The following BRINP1 variants were observed in gnomAD, a reference collection of about 807,000 sequenced individuals.
BRINP1 encodes BMP/retinoic acid inducible neural specific 1, also known as BMP/retinoic acid-inducible neural-specific protein 1.
Under a neutral mutation model 72.9 loss-of-function variants are expected in BRINP1, and 17 were observed. The ratio of observed to expected loss-of-function variants is 0.23; its 90% CI spans 0.16 to 0.35. BRINP1 has a LOEUF of 0.35. Among genes scored for constraint, BRINP1 ranks in the 10% least tolerant of loss-of-function variants. BRINP1 has a pLI of 1.00. For missense variants in BRINP1, 850 were observed against 1,001.6 expected (o/e 0.85, Z 2.04); for synonymous variants, 418 against 378.5 (o/e 1.10, Z -1.21).
chr9:119,261,274 A>C (rs1184812746), intron 2 of BRINP1, among the ~76,000 whole-genome samples: 1 of 152,168 alleles, frequency 6.6e-6, no homozygotes, highest in Non-Finnish European at 1.5e-5. Context: ...GAAAAGTAAA[A>C]ATGTTTATGG....
At chr9:119,175,702 TAAG>T (rs1403404097) in intron 7 of BRINP1, among the ~76,000 whole-genome samples, 2 of 152,148 alleles carry the variant, frequency 1.3e-5, no homozygotes, top group African/African-American at 4.8e-5. Context: ...TTCCATCAGA[TAAG>T]AAGCAGCATC....
chr9:119,218,896 C>A (rs1564220323), intron 5 of BRINP1, among the ~76,000 whole-genome samples: 1 of 152,004 alleles, frequency 6.6e-6, no homozygotes, highest in East Asian at 1.9e-4. Context: ...CATTCATATG[C>A]CAAAACCCTC....
At chr9:119,177,700 G>C (rs192158608) in intron 7 of BRINP1, among the ~76,000 whole-genome samples, 3 of 152,102 alleles carry the variant, frequency 2.0e-5, no homozygotes, top group African/African-American at 7.2e-5. Flanking sequence ...CAGAATCCTC[G>C]GTGAGGGAAA....
intron 2 of BRINP1, among the ~76,000 whole-genome samples, chr9:119,274,858 AGATATATGTGTATATACACATATAT>A (rs1427730332): frequency 6.6e-6 from 1 of 152,176 alleles, no homozygotes; most frequent in Non-Finnish European, 1.5e-5. Flanking sequence ...GTATAGATAT[AGATATATGTGTATATACACATATAT>A]GATATATACA....
intron 1 of BRINP1, among the ~76,000 whole-genome samples, chr9:119,354,116 A>T (rs1831534551): frequency 6.6e-6 from 1 of 152,062 alleles, no homozygotes; most frequent in Admixed American, 6.6e-5. Flanking sequence ...TCATATCTGA[A>T]ATAATATGGA....
intron 2 of BRINP1, among the ~76,000 whole-genome samples, chr9:119,304,126 C>T (rs1830969867): frequency 6.6e-6 from 1 of 152,060 alleles, no homozygotes; most frequent in Non-Finnish European, 1.5e-5. Context: ...GTGATCTGCC[C>T]ACCTTGGCCT....
intron 7 of BRINP1, among the ~76,000 whole-genome samples, chr9:119,195,255 C>T (rs1829724901): frequency 6.6e-6 from 1 of 152,018 alleles, no homozygotes; most frequent in African/African-American, 2.4e-5. Context: ...AGTGAGTATT[C>T]ACTAAATATT....
chr9:119,195,299 A>C (rs1829725599), intron 7 of BRINP1, among the ~76,000 whole-genome samples: 1 of 152,250 alleles, frequency 6.6e-6, no homozygotes, highest in South Asian at 2.1e-4. Flanking sequence ...TGAATAAATG[A>C]AGATTCAGTA....
chr9:119,263,104 C>T (rs1830513510), intron 2 of BRINP1, among the ~76,000 whole-genome samples: 1 of 152,140 alleles, frequency 6.6e-6, no homozygotes, highest in African/African-American at 2.4e-5. Context: ...CCCTTCAGGC[C>T]AGGGGCACAA....
intron 1 of BRINP1, among the ~76,000 whole-genome samples, chr9:119,357,727 T>C (rs1008155072): frequency 5.3e-5 from 8 of 152,144 alleles, no homozygotes; most frequent in African/African-American, 1.7e-4. Context: ...TCCTGGAATA[T>C]GAAAGATGGA....
chr9:119,286,591 C>A (rs578026593), intron 2 of BRINP1, among the ~76,000 whole-genome samples: 2 of 152,180 alleles, frequency 1.3e-5, no homozygotes, highest in African/African-American at 4.8e-5. Context: ...CTGGGTAGTG[C>A]AAAAATGTAG....
chr9:119,367,561 A>T (rs1831708640), intron 1 of BRINP1, among the ~76,000 whole-genome samples: 1 of 152,084 alleles, frequency 6.6e-6, no homozygotes. Flanking sequence ...AACAGTACCA[A>T]GCCAGGGTGG....
At chr9:119,315,674 T>G (rs1321182418) in intron 1 of BRINP1, among the ~76,000 whole-genome samples, 1 of 152,236 alleles carries the variant, frequency 6.6e-6, no homozygotes, top group Non-Finnish European at 1.5e-5. Context: ...CTAGGGCTCT[T>G]GCACCAGTTA....
intron 2 of BRINP1, among the ~76,000 whole-genome samples, chr9:119,292,767 G>A (rs1830834308): frequency 6.6e-6 from 1 of 152,188 alleles, no homozygotes; most frequent in Non-Finnish European, 1.5e-5. Flanking sequence ...TCAAAGGTCT[G>A]CAAGATGTAC....
chr9:119,367,727 C>T (rs1256839679), intron 1 of BRINP1, among the ~76,000 whole-genome samples: 1 of 152,218 alleles, frequency 6.6e-6, no homozygotes, highest in Non-Finnish European at 1.5e-5. Flanking sequence ...AAACCGACAG[C>T]AGTTTAAGTC....
chr9:119,194,114 T>C (rs2118854021), intron 7 of BRINP1, among the ~76,000 whole-genome samples: 1 of 152,272 alleles, frequency 6.6e-6, no homozygotes, highest in East Asian at 1.9e-4. Context: ...AAGCCAGCTT[T>C]GCTCCCAGCT....
intron 3 of BRINP1, among the ~76,000 whole-genome samples, chr9:119,245,284 A>G (rs954902202): frequency 6.6e-6 from 1 of 152,232 alleles, no homozygotes; most frequent in Non-Finnish European, 1.5e-5. Flanking sequence ...ATACATGCTC[A>G]TGTATAAATT....
At chr9:119,287,060 GA>G (rs59653231) in intron 2 of BRINP1, among the ~76,000 whole-genome samples, 11,127 of 115,104 alleles carry the variant, frequency 0.097, 1,302 homozygotes, top group African/African-American at 0.29. Flanking sequence ...TAGAAGGAAA[GA>G]AAAAAAAAAA....
At chr9:119,188,969 A>G (rs1280473304) in intron 7 of BRINP1, among the ~76,000 whole-genome samples, 1 of 152,220 alleles carries the variant, frequency 6.6e-6, no homozygotes, top group East Asian at 1.9e-4. Flanking sequence ...TAAAATGACC[A>G]AAAATGACTG....
Sources: gnomAD v4.1 joint callset for allele counts (sites outside exome capture counted in the v4.1 genomes callset) on GRCh38, gnomAD v4.1.1 for gene constraint, MANE v1.5 for transcripts, NCBI Gene and HGNC (gene_info 2026-07-23, HGNC 2026-07-21) for gene names.